Variants in TMEM40 observed in about 807,000 individuals in gnomAD.
TMEM40 encodes transmembrane protein 40.
Under a neutral mutation model 40.8 loss-of-function variants are expected in TMEM40, and 34 were observed. The ratio of observed to expected loss-of-function variants is 0.83; its 90% CI spans 0.63 to 1.11. The LOEUF is 1.11. Among genes scored for constraint, TMEM40 ranks in the 50% least tolerant of loss-of-function variants. The pLI is 0.00. For synonymous variants in TMEM40, 106 were observed against 107.0 expected, an observed-to-expected ratio of 0.99 and a Z score of 0.06; for missense variants, 296 against 280.2, an observed-to-expected ratio of 1.06 and a Z score of -0.40.
At chr3:12,767,044 AC>A (rs1183966987) in intron 1 of TMEM40, among the ~76,000 whole-genome samples, 28 of 152,128 alleles carry the variant, frequency 1.8e-4, no homozygotes, top group African/African-American at 6.5e-4. Flanking sequence ...TCCAAAAAGG[AC>A]CCTATGTCCA....
chr3:12,738,071 G>A, intron 7 of TMEM40, 65 bp downstream of exon 7: 3 of 1,599,318 alleles, frequency 1.9e-6, no homozygotes, highest in South Asian at 2.2e-5. Context: ...GGCTGTCTGA[G>A]GACCCAACCC....
At chr3:12,760,360 C>T (rs1259894548), upstream of TMEM40, among the ~76,000 whole-genome samples, 1 of 152,142 alleles carries the variant, frequency 6.6e-6, no homozygotes, top group Non-Finnish European at 1.5e-5. Flanking sequence ...GAGATCTTCC[C>T]CACACCTCTG....
chr3:12,749,612 A>C (rs774366544), intron 2 of TMEM40, 148 bp downstream of exon 2: 36 of 660,108 alleles, frequency 5.5e-5, no homozygotes, highest in Non-Finnish European at 8.3e-5. Flanking sequence ...GTGTGTGTGC[A>C]TGTGTGTAAA....
intron 3 of TMEM40, among the ~76,000 whole-genome samples, chr3:12,748,188 CT>C (rs2106615047): frequency 6.6e-6 from 1 of 152,276 alleles, no homozygotes; most frequent in African/African-American, 2.4e-5. Context: ...TTATGTATTG[CT>C]CTCATCCCCA....
chr3:12,755,776 G>C (rs1005907163), intron 1 of TMEM40, among the ~76,000 whole-genome samples: 4 of 152,186 alleles, frequency 2.6e-5, no homozygotes, highest in Admixed American at 1.3e-4. Context: ...AGGCAGACAG[G>C]TTGATTGTGG....
chr3:12,736,866 T>G lies in TMEM40; in HGVS notation c.473-31A>C, dbSNP rs1327362563. ...AAGGCAGGGGTGGGCAATCACTATC[T>G]GCTGCTTTCTCTCTCTTTTTTTGGG... On this transcript the variant is annotated intron_variant, in intron 8 of 11. Coordinates refer to ENST00000314124, the MANE Select transcript of TMEM40 (RefSeq NM_018306.4). The G allele has an allele frequency of 4.3e-6, 7 of 1,613,754 alleles. No individual in the cohort carries two copies. In the Admixed American group the frequency reaches 1.0e-4, roughly 23 times the overall value.
At chr3:12,749,943 CA>C (rs1360151033) in intron 1 of TMEM40, 103 bp from the exon 2 acceptor site, 2 of 1,106,642 alleles carry the variant, frequency 1.8e-6, no homozygotes, top group Non-Finnish European at 2.6e-6. Flanking sequence ...ACTCAACATT[CA>C]AAGGAATAAG....
upstream of TMEM40, among the ~76,000 whole-genome samples, chr3:12,762,446 G>A (rs1011501668): frequency 1.1e-4 from 17 of 152,260 alleles, no homozygotes; most frequent in East Asian, 2.7e-3. Flanking sequence ...GGGGGACCCC[G>A]GGTCTAATTA....
At position 12,742,582 on chromosome 3, in the gene TMEM40, C is replaced by T. The variant is rs115965321; in HGVS notation, c.302-75G>A. ...AGGCCACTTCCCTCTCCCATGGCTT[C>T]GACGCTTAAGAAGTACCACAGTCCT... On this transcript the variant is annotated intron_variant, in intron 4 of 11. Coordinates refer to ENST00000314124, the MANE Select transcript of TMEM40 (RefSeq NM_018306.4). The T allele has an allele frequency of 9.8e-3, 15,157 of 1,550,948 alleles. 72 individuals are homozygous for T. The highest frequency in any genetic ancestry group is 0.012 in the Non-Finnish European group (13,027 of 1,128,190).
At chr3:12,748,064 C>T (rs2061443084) in intron 3 of TMEM40, among the ~76,000 whole-genome samples, 1 of 152,016 alleles carries the variant, frequency 6.6e-6, no homozygotes, top group Non-Finnish European at 1.5e-5. Context: ...GCATGATAAA[C>T]CTGGGAGGGG....
At chr3:12,755,209 T>TCTCTCTC (rs1553634004) in intron 1 of TMEM40, among the ~76,000 whole-genome samples, 1 of 78,102 alleles carries the variant, frequency 1.3e-5, no homozygotes, top group African/African-American at 6.8e-5. Context: ...CTTTCTTTCT[T>TCTCTCTC]TCTTTCTCTC....
At chr3:12,768,690 C>T (rs1033860309) in intron 1 of TMEM40, among the ~76,000 whole-genome samples, 3 of 152,136 alleles carry the variant, frequency 2.0e-5, no homozygotes, top group Non-Finnish European at 2.9e-5. Flanking sequence ...CATAAAGGTT[C>T]TCCAAGTCCA....
intron 1 of TMEM40, among the ~76,000 whole-genome samples, chr3:12,767,153 G>A (rs1575749853): frequency 6.6e-6 from 1 of 152,344 alleles, no homozygotes; most frequent in Non-Finnish European, 1.5e-5. Flanking sequence ...GGGAGGTTAA[G>A]TAACTTGCTT....
At chr3:12,766,909 G>T (rs773921189) in intron 1 of TMEM40, among the ~76,000 whole-genome samples, 1 of 152,120 alleles carries the variant, frequency 6.6e-6, no homozygotes, top group South Asian at 2.1e-4. Context: ...CTTGTGGAAC[G>T]AGAGATCTTC....
chr3:12,753,731 A>G (rs771300032), intron 1 of TMEM40, among the ~76,000 whole-genome samples: 8 of 152,172 alleles, frequency 5.3e-5, no homozygotes, highest in Non-Finnish European at 1.0e-4. Flanking sequence ...AGGAAATGGA[A>G]TGCCTGACTT....
At chr3:12,762,116 C>T (rs1175724311), upstream of TMEM40, among the ~76,000 whole-genome samples, 2 of 151,982 alleles carry the variant, frequency 1.3e-5, no homozygotes, top group Admixed American at 6.6e-5. Context: ...GTGTGCACCA[C>T]CATGCCCGGT....
Position 12,734,670 on chromosome 3 carries a change from G to A in TMEM40, c.*104C>T, listed in dbSNP as rs1235878772. The A allele has an allele frequency of 1.6e-6, 2 of 1,287,456 alleles. No individual in the cohort carries two copies. The highest frequency in any genetic ancestry group is 4.0e-5 in the Admixed American group (2 of 50,176). The allele number at this position is 1,287,456 out of a possible 1,614,324, so 79.8% of individuals were successfully genotyped here. On this transcript the variant is annotated 3_prime_UTR_variant, in exon 12 of 12. Coordinates refer to ENST00000314124, the MANE Select transcript of TMEM40 (RefSeq NM_018306.4). ...AGTGTTCTGTTTATTGGTCTGGCTT[G>A]GTCTCCTGTGCGTCTCTCAGAATGC...
chr3:12,735,444 C>A, intron 11 of TMEM40, 111 bp downstream of exon 11: 2 of 1,112,772 alleles, frequency 1.8e-6, no homozygotes, highest in South Asian at 1.3e-5. Flanking sequence ...AGGACTCAAA[C>A]CTGGGTCCTC....
At chr3:12,735,296 C>T (rs1272096602) in intron 11 of TMEM40, among the ~76,000 whole-genome samples, 1 of 152,214 alleles carries the variant, frequency 6.6e-6, no homozygotes, top group Non-Finnish European at 1.5e-5. Flanking sequence ...TTTCACACTT[C>T]AGGCCTTTGC....
Sources: allele counts gnomAD v4.1 joint callset (sites outside exome capture counted in the v4.1 genomes callset), GRCh38; gene constraint gnomAD v4.1.1; transcripts MANE v1.5; gene names NCBI Gene and HGNC (gene_info 2026-07-23, HGNC 2026-07-21).